Variants in CCDC12 observed in about 807,000 individuals in gnomAD.
CCDC12 encodes the protein coiled-coil domain-containing protein 12.
In CCDC12, 28 loss-of-function variants were observed where a neutral mutation model predicts 25.7. The ratio of observed to expected loss-of-function variants is 1.09; its 90% confidence interval spans 0.81 to 1.50. The LOEUF is 1.50. Among genes scored for constraint, CCDC12 ranks in the 40% most tolerant of loss-of-function variants. CCDC12 has a pLI of 0.00. For synonymous variants in CCDC12, 75 were observed against 87.7 expected (o/e 0.86, Z 0.81); for missense variants, 198 against 210.0 (o/e 0.94, Z 0.35).
chr3:46,976,493 C>T (rs1433426887), intron 1 of CCDC12, 144 bp downstream of exon 1: 23 of 1,436,176 alleles, frequency 1.6e-5, no homozygotes, highest in Non-Finnish European at 2.0e-5. Flanking sequence ...TGGGAGGGCG[C>T]CGTCTTCTCG....
intron 1 of CCDC12, among the ~76,000 whole-genome samples, chr3:46,968,956 G>A (rs185314907): frequency 3.9e-5 from 6 of 152,292 alleles, no homozygotes; most frequent in East Asian, 1.9e-4. Context: ...CAACTGCCAC[G>A]CAAATGTTAT....
At chr3:46,980,074 G>T (rs2035209332), upstream of CCDC12, among the ~76,000 whole-genome samples, 1 of 151,852 alleles carries the variant, frequency 6.6e-6, no homozygotes, top group African/African-American at 2.4e-5. Context: ...ACACGTGTGT[G>T]CCCCCAGCCC....
At chr3:46,925,583 G>C in intron 2 of CCDC12, 48 bp from the exon 3 acceptor site, 1 of 1,408,848 alleles carries the variant, frequency 7.1e-7, no homozygotes, top group Non-Finnish European at 9.7e-7. Context: ...TGTGTGACAT[G>C]GTCTCATTCA....
chr3:46,967,217 AC>A (rs1412773735), intron 1 of CCDC12, among the ~76,000 whole-genome samples: 1 of 151,746 alleles, frequency 6.6e-6, no homozygotes, highest in Non-Finnish European at 1.5e-5. Context: ...CATCTCAGGA[AC>A]CCTGTCTGTG....
intron 1 of CCDC12, among the ~76,000 whole-genome samples, chr3:46,957,992 C>T (rs999957318): frequency 6.8e-6 from 1 of 146,948 alleles, no homozygotes; most frequent in African/African-American, 2.5e-5. Flanking sequence ...CACACACACA[C>T]ACACATATAT....
chr3:46,931,710 C>T (rs913488607), intron 2 of CCDC12, among the ~76,000 whole-genome samples: 2 of 152,354 alleles, frequency 1.3e-5, no homozygotes, highest in South Asian at 4.1e-4. Context: ...CCTGGCCATA[C>T]AGGCCCCATC....
At chr3:46,955,943 C>T (rs2034277362) in intron 1 of CCDC12, among the ~76,000 whole-genome samples, 1 of 152,204 alleles carries the variant, frequency 6.6e-6, no homozygotes, top group South Asian at 2.1e-4. Flanking sequence ...ACCAATACCC[C>T]GGAATCAGGT....
intron 1 of CCDC12, among the ~76,000 whole-genome samples, chr3:46,963,402 TCTCCCTCTCCTCACGGTCTCCCTCTCC>T (rs2034521363): frequency 4.3e-4 from 1 of 2,332 alleles, no homozygotes; most frequent in South Asian, 0.1. Flanking sequence ...TCCCTCTCCC[TCTCCCTCTCCTCACGGTCTCCCTCTCC>T]CTCTCCTCAC....
chr3:46,973,458 G>T (rs144297966), intron 1 of CCDC12, among the ~76,000 whole-genome samples: 54,737 of 148,182 alleles, frequency 0.37, 10,613 homozygotes, highest in Middle Eastern at 0.54. Context: ...TTGCACCATT[G>T]CATTCCAGCC....
intron 1 of CCDC12, among the ~76,000 whole-genome samples, chr3:46,969,077 G>A (rs1169788392): frequency 1.3e-5 from 2 of 152,132 alleles, no homozygotes; most frequent in Admixed American, 6.5e-5. Context: ...GTAGATAGAG[G>A]CAACTTCTTG....
intron 2 of CCDC12, among the ~76,000 whole-genome samples, chr3:46,939,076 T>C (rs545235470): frequency 2.6e-4 from 40 of 152,354 alleles, no homozygotes; most frequent in African/African-American, 9.6e-4. Flanking sequence ...GGCTGTACTT[T>C]GTCTGCTGTT....
intron 1 of CCDC12, among the ~76,000 whole-genome samples, chr3:46,972,999 C>A (rs985455232): frequency 5.9e-5 from 9 of 151,302 alleles, no homozygotes; most frequent in Admixed American, 4.6e-4. Flanking sequence ...GATTTTAGTT[C>A]GTCGAAAAGA....
At chr3:46,975,526 C>CTT (rs3028814) in intron 1 of CCDC12, among the ~76,000 whole-genome samples, 29 of 82,554 alleles carry the variant, frequency 3.5e-4, no homozygotes, top group African/African-American at 1.0e-3. Context: ...TAAATCTTTT[C>CTT]TTTTTTTTTT....
At chr3:46,962,434 CAAAAAAA>C (rs33969115) in intron 1 of CCDC12, among the ~76,000 whole-genome samples, 5 of 63,182 alleles carry the variant, frequency 7.9e-5, no homozygotes, top group African/African-American at 2.6e-4. Flanking sequence ...AACTCTATCT[CAAAAAAA>C]AAAAAAAAAA....
intron 1 of CCDC12, among the ~76,000 whole-genome samples, chr3:46,947,790 G>A (rs2033963408): frequency 6.6e-6 from 1 of 152,232 alleles, no homozygotes; most frequent in African/African-American, 2.4e-5. Context: ...GTAGAGGAGT[G>A]CACAGGAGCG....
Position 46,951,827 on chromosome 3 carries a change from A to ATATAT in CCDC12, c.97-10763_97-10762insATATA, listed in dbSNP as rs1328099662. On this transcript the variant is annotated intron_variant, in intron 1 of 6. Transcript: ENST00000683445. Reference sequence around the variant, plus strand: ...TATATATATATATATATATATACTTAATGAGGATCAAATTAACAATGATCT... The same window carrying ATATAT: ...TATATATATATATATATATATACTTATATATATGAGGATCAAATTAACAATGATCT... Among the ~76,000 whole-genome samples the ATATAT allele has an allele frequency of 1.2e-4, 13 of 105,776 alleles. 1 individual carries two copies. The highest frequency in any genetic ancestry group is 3.5e-4 in the South Asian group (1 of 2,832). The allele number at this position is 105,776 out of a possible 152,430, so 69.4% of individuals were successfully genotyped here.
At chr3:46,944,052 G>A (rs766665111) in intron 1 of CCDC12, among the ~76,000 whole-genome samples, 7 of 152,174 alleles carry the variant, frequency 4.6e-5, no homozygotes, top group Admixed American at 2.0e-4. Flanking sequence ...GGATAGTGGA[G>A]GGAAGCGCAG....
chr3:46,922,482 G>C (rs1422574590), intron 5 of CCDC12, 170 bp from the exon 6 acceptor site: 1 of 668,504 alleles, frequency 1.5e-6, no homozygotes, highest in East Asian at 2.7e-5. Context: ...CCGAAACCCA[G>C]CATAAACCAT....
intron 2 of CCDC12, among the ~76,000 whole-genome samples, chr3:46,934,999 G>A (rs1309157429): frequency 6.6e-6 from 1 of 152,244 alleles, no homozygotes; most frequent in Non-Finnish European, 1.5e-5. Context: ...CCAGCACACA[G>A]AGCAGAGAGG....
Sources: allele counts gnomAD v4.1 joint callset (sites outside exome capture counted in the v4.1 genomes callset), GRCh38; gene constraint gnomAD v4.1.1; transcripts MANE v1.5; gene names NCBI Gene and HGNC (gene_info 2026-07-23, HGNC 2026-07-21).